GLRA2: variants seen among roughly 807,000 people sequenced by gnomAD.
GLRA2 encodes the protein glycine receptor alpha 2, also known as glycine receptor subunit alpha-2.
A neutral mutation model predicts 31.6 loss-of-function variants in GLRA2; 11 were observed. That is an observed-to-expected ratio of 0.35 (90% confidence interval 0.22 to 0.58). GLRA2 has a LOEUF of 0.58. GLRA2 is among the 20% of genes least tolerant of loss of function. The pLI is 0.84. For synonymous variants in GLRA2, 132 were observed against 134.0 expected, an observed-to-expected ratio of 0.99 and a Z score of 0.10; for missense variants, 212 against 351.8, an observed-to-expected ratio of 0.60 and a Z score of 3.18.
chrX:14,711,916 T>G (rs2091715479), intron 8 of GLRA2, among the ~76,000 whole-genome samples: 1 of 112,576 alleles, frequency 8.9e-6, no homozygotes, highest in Non-Finnish European at 1.9e-5. Context: ...GACAGTTCCA[T>G]TTATTTAAGC....
In GLRA2 at chrX:14,687,950, T is replaced by C. The variant is rs969142729; in HGVS notation, c.931-2760T>C. On this transcript the variant is annotated intron_variant, in intron 7 of 8. Coordinates refer to ENST00000218075, the MANE Select transcript of GLRA2 (RefSeq NM_002063.4). ...TGTGGTTTTATCTACCTTTGGTCTT[T>C]GATGATGGTGACGTACAGATGGGGT... Among the ~76,000 whole-genome samples the C allele has an allele frequency of 2.7e-5, 3 of 112,249 alleles. No individual in the cohort carries two copies. The East Asian group carries it at 8.4e-4, about 31-fold the overall frequency.
upstream of GLRA2, among the ~76,000 whole-genome samples, chrX:14,527,870 A>G (rs947587163): frequency 1.8e-5 from 2 of 111,742 alleles, no homozygotes; most frequent in South Asian, 3.7e-4. Flanking sequence ...CATGTGGATG[A>G]ATTTGGAAGT....
intron 4 of GLRA2, among the ~76,000 whole-genome samples, chrX:14,600,910 A>G (rs1253757075): frequency 9.0e-6 from 1 of 111,164 alleles, no homozygotes; most frequent in Non-Finnish European, 1.9e-5. Flanking sequence ...AAATAGAAAA[A>G]AAATAGATTC....
At chrX:14,683,330 T>C (rs919868524) in intron 7 of GLRA2, among the ~76,000 whole-genome samples, 3 of 112,330 alleles carry the variant, frequency 2.7e-5, no homozygotes, top group Non-Finnish European at 3.8e-5. Context: ...CATGTGTCTG[T>C]TGGCTGCATA....
the GLRA2 span, among the ~76,000 whole-genome samples, chrX:14,510,042 G>A: frequency 3.6e-5 from 4 of 111,596 alleles, no homozygotes; most frequent in Admixed American, 3.8e-4. Context: ...AAGGGTCCTG[G>A]CAGGAAACAA....
At chrX:14,673,345 C>A (rs1156813481) in intron 7 of GLRA2, among the ~76,000 whole-genome samples, 2 of 111,998 alleles carry the variant, frequency 1.8e-5, no homozygotes, top group African/African-American at 6.5e-5. Flanking sequence ...TCCAGAATCA[C>A]CCATTCCCTA....
chrX:14,569,981 A>G (rs917883284), intron 2 of GLRA2, among the ~76,000 whole-genome samples: 1 of 112,436 alleles, frequency 8.9e-6, no homozygotes, highest in Non-Finnish European at 1.9e-5. Context: ...TTATGCTATA[A>G]AAGAAATCAG....
chrX:14,693,222 A>G (rs1383704908), intron 8 of GLRA2, among the ~76,000 whole-genome samples: 1 of 111,895 alleles, frequency 8.9e-6, no homozygotes, highest in African/African-American at 3.2e-5. Flanking sequence ...AACTTTAGTC[A>G]GCCTCCAATA....
intron 7 of GLRA2, among the ~76,000 whole-genome samples, chrX:14,630,721 G>A (rs2090635034): frequency 9.1e-6 from 1 of 109,743 alleles, no homozygotes; most frequent in Non-Finnish European, 1.9e-5. Context: ...GAACAGAAAT[G>A]TATTGCTCAC....
chrX:14,636,035 A>G (rs186499913), intron 7 of GLRA2, among the ~76,000 whole-genome samples: 5 of 112,113 alleles, frequency 4.5e-5, no homozygotes, highest in African/African-American at 1.6e-4. Context: ...AGCTGGAACT[A>G]TTTAAGCAAC....
chrX:14,629,773 T>C (rs954272426), intron 7 of GLRA2, among the ~76,000 whole-genome samples: 4 of 111,775 alleles, frequency 3.6e-5, no homozygotes, highest in African/African-American at 1.3e-4. Flanking sequence ...TTAGGGTTTA[T>C]AGTACATATA....
chrX:14,651,356 G>A (rs2147138365), intron 7 of GLRA2, among the ~76,000 whole-genome samples: 1 of 111,196 alleles, frequency 9.0e-6, no homozygotes, highest in Non-Finnish European at 1.9e-5. Context: ...TCTGAGTTGT[G>A]AGAAATTTCA....
At chrX:14,551,583 G>A (rs1478636309) in intron 2 of GLRA2, among the ~76,000 whole-genome samples, 2 of 111,342 alleles carry the variant, frequency 1.8e-5, no homozygotes, top group African/African-American at 3.3e-5. Context: ...TCTGACTAAC[G>A]GCATTTTGTA....
chrX:14,679,231 C>A (rs1433149580), intron 7 of GLRA2, among the ~76,000 whole-genome samples: 1 of 109,362 alleles, frequency 9.1e-6, no homozygotes, highest in Non-Finnish European at 1.9e-5. Context: ...AATGGAAATA[C>A]CAAATGGAAT....
At chrX:14,670,553 A>G (rs936017165) in intron 7 of GLRA2, among the ~76,000 whole-genome samples, 10 of 111,707 alleles carry the variant, frequency 9.0e-5, no homozygotes, top group South Asian at 3.7e-4. Flanking sequence ...AGCAAGTCAC[A>G]TCTTATGTGG....
the GLRA2 span, among the ~76,000 whole-genome samples, chrX:14,499,156 A>G: frequency 8.9e-6 from 1 of 111,938 alleles, no homozygotes; most frequent in East Asian, 2.8e-4. Flanking sequence ...ATTATATAGC[A>G]GTTCTATTTT....
chrX:14,677,752 A>G (rs1038929892), intron 7 of GLRA2, among the ~76,000 whole-genome samples: 1 of 111,649 alleles, frequency 9.0e-6, no homozygotes, highest in African/African-American at 3.3e-5. Context: ...AACCAGAGCA[A>G]CTCTTTACTT....
chrX:14,661,151 G>A (rs995678184), intron 7 of GLRA2, among the ~76,000 whole-genome samples: 6 of 112,019 alleles, frequency 5.4e-5, no homozygotes, highest in African/African-American at 1.9e-4. Context: ...CTTTTATGAC[G>A]CTAACTTACT....
intron 2 of GLRA2, among the ~76,000 whole-genome samples, chrX:14,557,177 G>T (rs924624553): frequency 2.0e-4 from 17 of 85,468 alleles, no homozygotes; most frequent in African/African-American, 7.7e-4. Flanking sequence ...GTGCAGTGGC[G>T]CGATCTCGGC....
Sources: allele counts gnomAD v4.1 joint callset (sites outside exome capture counted in the v4.1 genomes callset), GRCh38; gene constraint gnomAD v4.1.1; transcripts MANE v1.5; gene names NCBI Gene and HGNC (gene_info 2026-07-23, HGNC 2026-07-21).